The following SEMA3E variants were observed in gnomAD, a reference collection of about 807,000 sequenced individuals.
SEMA3E encodes semaphorin-3E.
Under a neutral mutation model 93.6 loss-of-function variants are expected in SEMA3E, and 49 were observed. The observed-to-expected ratio is 0.52, with a 90% CI of 0.42 to 0.66. The LOEUF (loss-of-function observed/expected upper bound fraction) is 0.66, where lower values mean the gene tolerates loss of function less well. Among genes scored for constraint, SEMA3E ranks in the 30% least tolerant of loss-of-function variants. The pLI, the probability that SEMA3E is intolerant of heterozygous loss-of-function variation, is 0.00. For synonymous variants in SEMA3E, 363 were observed against 330.7 expected (o/e 1.10, Z -1.06); for missense variants, 906 against 964.8 (o/e 0.94, Z 0.81).
chr7:83,562,271 G>A (rs1344559398), intron 1 of SEMA3E, among the ~76,000 whole-genome samples: 4 of 151,894 alleles, frequency 2.6e-5, no homozygotes, highest in Non-Finnish European at 5.9e-5. Context: ...TTTCAGTTGA[G>A]AGTTTCAACT....
At chr7:83,394,151 T>C (rs1415516991) in intron 13 of SEMA3E, 146 bp downstream of exon 13, 10 of 877,586 alleles carry the variant, frequency 1.1e-5, no homozygotes, top group Non-Finnish European at 1.2e-5. Context: ...AAGTTCTTAC[T>C]ACAATAAAAT....
intron 1 of SEMA3E, among the ~76,000 whole-genome samples, chr7:83,593,174 G>A (rs1792787663): frequency 1.3e-5 from 2 of 151,696 alleles, no homozygotes; most frequent in African/African-American, 2.4e-5. Flanking sequence ...AGTGGGGAGG[G>A]GCAAGATCAT....
intron 4 of SEMA3E, among the ~76,000 whole-genome samples, chr7:83,460,628 C>T (rs1789593104): frequency 6.7e-6 from 1 of 148,974 alleles, no homozygotes; most frequent in African/African-American, 2.5e-5. Context: ...CCCTTCTCTG[C>T]TTTTCTGGGG....
intron 5 of SEMA3E, among the ~76,000 whole-genome samples, chr7:83,411,112 C>G (rs1279895326): frequency 6.6e-6 from 1 of 151,960 alleles, no homozygotes; most frequent in Non-Finnish European, 1.5e-5. Context: ...TAATTTGGAA[C>G]ATTGTTTCAA....
intron 1 of SEMA3E, among the ~76,000 whole-genome samples, chr7:83,562,363 TC>T (rs1454524970): frequency 1.3e-5 from 2 of 152,092 alleles, no homozygotes; most frequent in Non-Finnish European, 2.9e-5. Flanking sequence ...CAATATCTTT[TC>T]CCACCTTGCT....
chr7:83,590,230 C>A (rs941458533), intron 1 of SEMA3E, among the ~76,000 whole-genome samples: 2 of 152,080 alleles, frequency 1.3e-5, no homozygotes, highest in Admixed American at 6.6e-5. Flanking sequence ...CTAGAGTTAA[C>A]TTTAGATTTA....
chr7:83,528,079 G>T (rs765586733), intron 1 of SEMA3E, among the ~76,000 whole-genome samples: 75 of 151,844 alleles, frequency 4.9e-4, no homozygotes, highest in South Asian at 8.3e-4. Flanking sequence ...TATAATTTTT[G>T]TCAGAATTCT....
chr7:83,481,937 T>A (rs769311658), intron 2 of SEMA3E, among the ~76,000 whole-genome samples: 1 of 152,142 alleles, frequency 6.6e-6, no homozygotes, highest in East Asian at 1.9e-4. Flanking sequence ...CCAGCAAGGA[T>A]AGTTAATACC....
At chr7:83,427,404 T>G (rs1788794850) in intron 4 of SEMA3E, among the ~76,000 whole-genome samples, 1 of 152,162 alleles carries the variant, frequency 6.6e-6, no homozygotes, top group African/African-American at 2.4e-5. Context: ...GAAGATATAT[T>G]GATCCAATTT....
chr7:83,376,788 G>A (rs2116904368), intron 16 of SEMA3E, among the ~76,000 whole-genome samples: 1 of 151,992 alleles, frequency 6.6e-6, no homozygotes, highest in East Asian at 1.9e-4. Flanking sequence ...TCTATATAAT[G>A]CATACAATTA....
intron 1 of SEMA3E, among the ~76,000 whole-genome samples, chr7:83,617,253 C>T (rs1451452296): frequency 3.3e-5 from 5 of 151,060 alleles, no homozygotes; most frequent in Admixed American, 1.3e-4. Flanking sequence ...ATATAATCCT[C>T]CTCTGAGAAT....
intron 4 of SEMA3E, among the ~76,000 whole-genome samples, chr7:83,465,880 A>G (rs1292098579): frequency 6.6e-6 from 1 of 152,138 alleles, no homozygotes; most frequent in Non-Finnish European, 1.5e-5. Flanking sequence ...TTGCTAGTAA[A>G]TATTATATGT....
At chr7:83,378,992 A>T (rs1012835590) in intron 16 of SEMA3E, among the ~76,000 whole-genome samples, 2 of 151,888 alleles carry the variant, frequency 1.3e-5, no homozygotes, top group Admixed American at 6.6e-5. Context: ...ATATGGAATC[A>T]ACCTGAATGT....
At chr7:83,542,188 T>TA (rs77120726) in intron 1 of SEMA3E, among the ~76,000 whole-genome samples, 175 of 144,800 alleles carry the variant, frequency 1.2e-3, no homozygotes, top group South Asian at 4.6e-3. Flanking sequence ...ATAAAAAAGT[T>TA]AAAAAAAAAA....
intron 1 of SEMA3E, among the ~76,000 whole-genome samples, chr7:83,622,026 A>G (rs1793571198): frequency 6.6e-6 from 1 of 152,348 alleles, no homozygotes; most frequent in African/African-American, 2.4e-5. Context: ...CTGCACAGCA[A>G]AAGAAGCTAT....
intron 1 of SEMA3E, among the ~76,000 whole-genome samples, chr7:83,616,927 G>A (rs192270941): frequency 2.5e-4 from 38 of 152,068 alleles, no homozygotes; most frequent in African/African-American, 7.7e-4. Context: ...GTTTCACCAC[G>A]TTGGCCAGGC....
At chr7:83,499,160 T>C (rs1312134263) in intron 1 of SEMA3E, among the ~76,000 whole-genome samples, 1 of 152,174 alleles carries the variant, frequency 6.6e-6, no homozygotes, top group Non-Finnish European at 1.5e-5. Flanking sequence ...ATCTTTTAAA[T>C]TTTTACTACT....
intron 1 of SEMA3E, among the ~76,000 whole-genome samples, chr7:83,516,965 A>AT (rs1186465005): frequency 2.7e-5 from 4 of 149,908 alleles, no homozygotes; most frequent in South Asian, 2.1e-4. Context: ...ATATGTATAT[A>AT]AAATATAGAA....
At chr7:83,437,724 T>C (rs1263250756) in intron 4 of SEMA3E, among the ~76,000 whole-genome samples, 7 of 152,166 alleles carry the variant, frequency 4.6e-5, no homozygotes, top group Non-Finnish European at 1.0e-4. Context: ...CAAATAACAT[T>C]TCCCATTAAA....
Sources: allele counts gnomAD v4.1 joint callset (sites outside exome capture counted in the v4.1 genomes callset), GRCh38; gene constraint gnomAD v4.1.1; transcripts MANE v1.5; gene names NCBI Gene and HGNC (gene_info 2026-07-23, HGNC 2026-07-21).